LARP4B: variants seen among roughly 807,000 people sequenced by gnomAD.
LARP4B encodes La ribonucleoprotein 4B.
A neutral mutation model predicts 89.8 loss-of-function variants in LARP4B; 12 were observed. The ratio of observed to expected loss-of-function variants is 0.13; its 90% confidence interval spans 0.09 to 0.22. The LOEUF (loss-of-function observed/expected upper bound fraction) is 0.22. Ranked by LOEUF, LARP4B falls within the 10% of genes least tolerant of loss-of-function variation. The probability of loss-of-function intolerance (pLI) is 1.00; values close to 1 mark genes in which losing one functional copy is unlikely to be tolerated. For synonymous variants in LARP4B, 367 were observed against 363.3 expected (o/e 1.01, Z -0.12); for missense variants, 757 against 947.7 (o/e 0.80, Z 2.64).
At chr10:912,704 T>A (rs540880707) in intron 1 of LARP4B, among the ~76,000 whole-genome samples, 1 of 105,428 alleles carries the variant, frequency 9.5e-6, no homozygotes, top group Non-Finnish European at 2.3e-5. Flanking sequence ...AAACCTCGTC[T>A]TGACAAAAAA....
intron 1 of LARP4B, among the ~76,000 whole-genome samples, chr10:892,907 T>C (rs1443082674): frequency 6.8e-6 from 1 of 147,216 alleles, no homozygotes; most frequent in Non-Finnish European, 1.5e-5. Context: ...GAGAAATTTT[T>C]TTTTTTTTTT....
chr10:834,530 T>C (rs1489850116), intron 8 of LARP4B, among the ~76,000 whole-genome samples: 3 of 152,224 alleles, frequency 2.0e-5, no homozygotes, highest in Non-Finnish European at 4.4e-5. Flanking sequence ...GGCTCTATAA[T>C]AATTATACAG....
intron 7 of LARP4B, among the ~76,000 whole-genome samples, chr10:841,493 A>G (rs977123689): frequency 2.0e-5 from 3 of 152,256 alleles, no homozygotes; most frequent in African/African-American, 7.2e-5. Context: ...AAGCACACAG[A>G]GCAATTTAAT....
the LARP4B span, among the ~76,000 whole-genome samples, chr10:960,752 G>C: frequency 1.4e-5 from 2 of 146,778 alleles, no homozygotes; most frequent in Admixed American, 1.4e-4. Flanking sequence ...GGAAGAGAGG[G>C]TCATTACCAA....
At position 863,931 on chromosome 10, in the gene LARP4B, T is replaced by C. The variant is rs767952046; in HGVS notation, c.290-48A>G. On this transcript the variant is annotated intron_variant, in intron 4 of 17. Transcript: ENST00000316157. ...AAAAGGCAGGGTTAGAAGCATAACT[T>C]TCTCTTAAAACAAAGCTTACACTTG... is the stretch of plus-strand genomic sequence containing the variant. The C allele has an allele frequency of 2.3e-5, 36 of 1,585,092 alleles. 1 individual carries two copies. The South Asian group carries it at 3.8e-4, about 17-fold the overall frequency.
At chr10:876,559 T>G (rs940963918) in intron 3 of LARP4B, among the ~76,000 whole-genome samples, 3 of 152,128 alleles carry the variant, frequency 2.0e-5, no homozygotes, top group Non-Finnish European at 4.4e-5. Context: ...TGGAACAGGG[T>G]TGGCTCCCCA....
At chr10:890,260 T>C (rs1036686133) in intron 1 of LARP4B, among the ~76,000 whole-genome samples, 1 of 152,204 alleles carries the variant, frequency 6.6e-6, no homozygotes. Context: ...AATAATCTGA[T>C]GATCAAAGGC....
the LARP4B span, chr10:942,218 A>C: frequency 6.6e-6 from 1 of 152,208 alleles, no homozygotes; most frequent in African/African-American, 2.4e-5. Flanking sequence ...TCCATGATGG[A>C]GACAGCTCAG....
Position 810,166 on chromosome 10 carries a change from G to A in LARP4B, c.*2760C>T, listed in dbSNP as rs1435155093. 1 of 151,680 alleles carries A rather than the reference G, an allele frequency of 6.6e-6. No homozygotes were observed. The highest frequency in any genetic ancestry group is 1.5e-5 in the Non-Finnish European group (1 of 67,956). The allele number at this position is 151,680 out of a possible 1,614,324, so 9.4% of individuals were successfully genotyped here. A position where few individuals can be genotyped will look rare whatever the true frequency, so the allele number is the denominator to read the frequency against. The stretch of plus-strand genomic sequence containing the variant: ...TGAGATACTGCTGGGGGTAAAGGAG[G>A]GTGTTAACTTAAAAAAAAAAAAAGT... On this transcript the variant is annotated 3_prime_UTR_variant, in exon 18 of 18. Transcript: ENST00000316157.
intron 5 of LARP4B, among the ~76,000 whole-genome samples, chr10:863,293 G>C (rs1205339850): frequency 6.6e-6 from 1 of 150,652 alleles, no homozygotes; most frequent in African/African-American, 2.4e-5. Context: ...GCACGATCTC[G>C]GCTCACTGCA....
At chr10:830,833 T>C (rs1832867175) in intron 9 of LARP4B, 34 bp downstream of exon 9, 2 of 910,796 alleles carry the variant, frequency 2.2e-6, no homozygotes, top group African/African-American at 1.7e-5. Context: ...TGGTAAACTA[T>C]GCAATTCATA....
At chr10:860,248 T>C (rs765450352) in intron 5 of LARP4B, among the ~76,000 whole-genome samples, 66 of 152,142 alleles carry the variant, frequency 4.3e-4, no homozygotes, top group Non-Finnish European at 7.5e-4. Flanking sequence ...CATTAGTCCT[T>C]AGGGAAACAT....
intron 1 of LARP4B, among the ~76,000 whole-genome samples, chr10:906,070 C>G (rs1253406440): frequency 6.6e-6 from 1 of 152,216 alleles, no homozygotes. Context: ...TTTTATACAT[C>G]TTCATTCACA....
chr10:901,081 G>A (rs1012382118), intron 1 of LARP4B, among the ~76,000 whole-genome samples: 6 of 149,898 alleles, frequency 4.0e-5, no homozygotes, highest in African/African-American at 1.2e-4. Flanking sequence ...CACCACGCCC[G>A]GCTAATTTTT....
rs957598579 is a variant in LARP4B, at chr10:821,010, G to A, written c.1485-165C>T. On this transcript the variant is annotated intron_variant, in intron 13 of 17. Coordinates refer to ENST00000316157, the MANE Select transcript of LARP4B (RefSeq NM_015155.3). ...TTCTAAAATCCCAACTTCAGGAAGC[G>A]TAAGCAGAACAACACAAAGTTGACA... The A allele has an allele frequency of 1.1e-5, 7 of 629,106 alleles. 1 individual carries two copies. Among genetic ancestry groups the A allele is most frequent in the African/African-American group, 9.2e-5 (5 of 54,404 alleles). The allele number at this position is 629,106 out of a possible 1,614,324, so 39.0% of individuals were successfully genotyped here. A position where few individuals can be genotyped will look rare whatever the true frequency, so the allele number is the denominator to read the frequency against.
intron 5 of LARP4B, among the ~76,000 whole-genome samples, chr10:851,180 CTTTTTTTTTT>C (rs144483000): frequency 7.6e-6 from 1 of 131,578 alleles, no homozygotes; most frequent in Non-Finnish European, 1.6e-5. Context: ...AAAACACTAA[CTTTTTTTTTT>C]TTTTTTTTTT....
the LARP4B span, among the ~76,000 whole-genome samples, chr10:946,913 G>T: frequency 6.6e-6 from 1 of 152,030 alleles, no homozygotes; most frequent in Non-Finnish European, 1.5e-5. Context: ...CTGTTGCTCA[G>T]GCTGGAATTC....
the LARP4B span, among the ~76,000 whole-genome samples, chr10:965,683 A>G: frequency 6.6e-6 from 1 of 151,716 alleles, no homozygotes; most frequent in Admixed American, 6.6e-5. Context: ...TCGTTCAAAC[A>G]TTTGTTAACT....
At chr10:982,366 C>T in the LARP4B span, among the ~76,000 whole-genome samples, 1 of 152,242 alleles carries the variant, frequency 6.6e-6, no homozygotes. Flanking sequence ...GCTGCGATTA[C>T]AGGCGTGAGA....
Sources: allele counts gnomAD v4.1 joint callset (sites outside exome capture counted in the v4.1 genomes callset), GRCh38; gene constraint gnomAD v4.1.1; transcripts MANE v1.5; gene names NCBI Gene and HGNC (gene_info 2026-07-23, HGNC 2026-07-21).